The following MEIKIN variants were observed in gnomAD, a reference collection of about 807,000 sequenced individuals.
The protein encoded by MEIKIN is meiosis-specific kinetochore protein.
chr5:131,810,202 A>G (rs1772926938), intron 12 of MEIKIN, among the ~76,000 whole-genome samples: 1 of 152,214 alleles, frequency 6.6e-6, no homozygotes, highest in Non-Finnish European at 1.5e-5. Context: ...ATTATTATCT[A>G]GAAAATCAAA....
chr5:131,896,391 G>C (rs56053115), intron 8 of MEIKIN, among the ~76,000 whole-genome samples: 1 of 152,118 alleles, frequency 6.6e-6, no homozygotes, highest in Middle Eastern at 3.2e-3. Context: ...TCTGTAGATG[G>C]CTGTTAGGTC....
chr5:131,925,683 T>C (rs1463789180), intron 5 of MEIKIN, among the ~76,000 whole-genome samples: 3 of 152,164 alleles, frequency 2.0e-5, no homozygotes, highest in Non-Finnish European at 2.9e-5. Context: ...TTTTTGTTTT[T>C]TTTGAGACAG....
intron 9 of MEIKIN, among the ~76,000 whole-genome samples, chr5:131,869,986 T>A (rs1750457718): frequency 6.6e-6 from 1 of 152,230 alleles, no homozygotes; most frequent in Non-Finnish European, 1.5e-5. Flanking sequence ...GCACTTTACT[T>A]GTTGTTAGGA....
intron 12 of MEIKIN, among the ~76,000 whole-genome samples, chr5:131,816,758 A>T (rs959606271): frequency 2.0e-5 from 3 of 152,246 alleles, no homozygotes; most frequent in Non-Finnish European, 4.4e-5. Context: ...TCAGAGATAG[A>T]GATAGAAAGA....
chr5:131,881,387 G>A (rs1367648041), intron 8 of MEIKIN, among the ~76,000 whole-genome samples: 1 of 151,938 alleles, frequency 6.6e-6, no homozygotes, highest in East Asian at 1.9e-4. Context: ...CAAGCCACTA[G>A]GTCTCAGGGT....
chr5:131,844,752 C>A (rs1749980024), intron 11 of MEIKIN, among the ~76,000 whole-genome samples: 1 of 152,088 alleles, frequency 6.6e-6, no homozygotes, highest in South Asian at 2.1e-4. Flanking sequence ...AAGCAAGAAC[C>A]CTTTTTTTCT....
intron 9 of MEIKIN, among the ~76,000 whole-genome samples, chr5:131,860,478 C>T (rs1750265151): frequency 6.6e-6 from 1 of 151,850 alleles, no homozygotes; most frequent in Non-Finnish European, 1.5e-5. Context: ...CAGAGTCTTG[C>T]TCTGTTGCCC....
intron 8 of MEIKIN, among the ~76,000 whole-genome samples, chr5:131,889,214 G>A (rs1750861495): frequency 6.6e-6 from 1 of 152,120 alleles, no homozygotes; most frequent in African/African-American, 2.4e-5. Context: ...GGTTCCATAT[G>A]AACTTGAAAG....
intron 11 of MEIKIN, among the ~76,000 whole-genome samples, chr5:131,827,414 T>C (rs1749634435): frequency 6.6e-6 from 1 of 152,108 alleles, no homozygotes; most frequent in Admixed American, 6.5e-5. Context: ...TCACAGTACA[T>C]ATAAATGGAC....
intron 11 of MEIKIN, among the ~76,000 whole-genome samples, chr5:131,837,052 T>C (rs1749821100): frequency 6.6e-6 from 1 of 152,320 alleles, no homozygotes; most frequent in Admixed American, 6.5e-5. Context: ...TTACACATGG[T>C]GTAAGGAAGG....
chr5:131,896,094 CT>C (rs1751044910), intron 8 of MEIKIN, among the ~76,000 whole-genome samples: 1 of 152,112 alleles, frequency 6.6e-6, no homozygotes, highest in Admixed American at 6.5e-5. Flanking sequence ...TGTCTTTGTT[CT>C]CATTAGTTTC....
intron 11 of MEIKIN, among the ~76,000 whole-genome samples, chr5:131,837,751 T>G (rs1749834807): frequency 6.6e-6 from 1 of 152,152 alleles, no homozygotes; most frequent in African/African-American, 2.4e-5. Flanking sequence ...CTTAAGGAGC[T>G]TTTGGGCCAA....
At chr5:131,897,740 G>A (rs1357283894) in intron 8 of MEIKIN, among the ~76,000 whole-genome samples, 1 of 152,044 alleles carries the variant, frequency 6.6e-6, no homozygotes, top group African/African-American at 2.4e-5. Flanking sequence ...AGCTCCATCA[G>A]GTCATTTTAG....
chr5:131,820,413 T>C (rs1749475745), intron 11 of MEIKIN, among the ~76,000 whole-genome samples: 1 of 152,188 alleles, frequency 6.6e-6, no homozygotes, highest in Admixed American at 6.5e-5. Context: ...AATGTATTGT[T>C]GAATTTGGTT....
At chr5:131,873,584 G>T (rs1750548789) in intron 9 of MEIKIN, among the ~76,000 whole-genome samples, 1 of 152,144 alleles carries the variant, frequency 6.6e-6, no homozygotes, top group African/African-American at 2.4e-5. Context: ...ACATTAGACA[G>T]ATCAATGAGA....
chr5:131,911,993 G>GA, intron 7 of MEIKIN, 114 bp from the exon 8 acceptor site: 1 of 385,628 alleles, frequency 2.6e-6, no homozygotes, highest in Non-Finnish European at 4.6e-6. Flanking sequence ...TATCCTGTGG[G>GA]AAAATATACA....
intron 11 of MEIKIN, among the ~76,000 whole-genome samples, chr5:131,826,918 T>C (rs1041189194): frequency 6.6e-6 from 1 of 152,228 alleles, no homozygotes; most frequent in African/African-American, 2.4e-5. Flanking sequence ...AGAATGGACT[T>C]ATACAATGAT....
intron 11 of MEIKIN, among the ~76,000 whole-genome samples, chr5:131,822,267 G>A (rs62385612): frequency 0.027 from 4,066 of 152,026 alleles, 72 homozygotes; most frequent in Middle Eastern, 0.071. Flanking sequence ...TTTCATTGGA[G>A]AGTTTAGTCC....
intron 9 of MEIKIN, among the ~76,000 whole-genome samples, chr5:131,870,640 C>T (rs1197184243): frequency 6.6e-6 from 1 of 152,194 alleles, no homozygotes; most frequent in Non-Finnish European, 1.5e-5. Flanking sequence ...GCATCTTTAT[C>T]CACTAAAGAT....
Sources: gnomAD v4.1 joint callset for allele counts (sites outside exome capture counted in the v4.1 genomes callset) on GRCh38, gnomAD v4.1.1 for gene constraint, MANE v1.5 for transcripts, NCBI Gene and HGNC (gene_info 2026-07-23, HGNC 2026-07-21) for gene names.